TPRG1: variants seen among roughly 807,000 people sequenced by gnomAD.
TPRG1 encodes tumor protein p63 regulated 1.
TPRG1 carries 29 observed loss-of-function variants against 29.3 expected under a neutral mutation model. That is an observed-to-expected ratio of 0.99 (90% CI 0.74 to 1.35). The LOEUF (loss-of-function observed/expected upper bound fraction) is 1.35, where lower values mean the gene tolerates loss of function less well. Ranked by LOEUF, TPRG1 falls within the 40% of genes most tolerant of loss-of-function variation. The probability of loss-of-function intolerance (pLI) is 0.00; values close to 1 mark genes in which losing one functional copy is unlikely to be tolerated. For missense variants in TPRG1, 327 were observed against 335.0 expected (o/e 0.98, Z 0.19); for synonymous variants, 130 against 116.8 (o/e 1.11, Z -0.73).
chr3:189,124,428 T>C (rs189427028), intron 1 of TPRG1, among the ~76,000 whole-genome samples: 415 of 152,236 alleles, frequency 2.7e-3, no homozygotes, highest in African/African-American at 9.1e-3. Flanking sequence ...GTGAAAGACA[T>C]AGATTAACAA....
At chr3:189,146,769 G>A (rs989322562) in intron 3 of TPRG1, among the ~76,000 whole-genome samples, 4 of 152,218 alleles carry the variant, frequency 2.6e-5, no homozygotes, top group Non-Finnish European at 4.4e-5. Context: ...AAAGCAATAT[G>A]CATCTCATTT....
intron 3 of TPRG1, among the ~76,000 whole-genome samples, chr3:189,008,075 AAAC>A (rs1358212172): frequency 1.5e-5 from 1 of 66,376 alleles, no homozygotes; most frequent in East Asian, 4.2e-4. Context: ...AAAAAAAAAA[AAAC>A]GTTCTAGAAA....
chr3:189,244,431 A>G lies in TPRG1; in HGVS notation c.479+5522A>G, dbSNP rs114610855. On this transcript the variant is annotated intron_variant, in intron 4 of 5. Coordinates refer to ENST00000345063, the MANE Select transcript of TPRG1 (RefSeq NM_198485.4). ...TGAGACTCCATCTCAAAAAAAGAAG[A>G]AAAAAAAGAGGTTTAATTGGTTCAG... Among the ~76,000 whole-genome samples, 1,027 of 151,924 alleles carry G rather than the reference A, an allele frequency of 6.8e-3. 7 individuals are homozygous for G. Among genetic ancestry groups the G allele is most frequent in the Non-Finnish European group, 0.012 (809 of 67,914 alleles).
intron 3 of TPRG1, among the ~76,000 whole-genome samples, chr3:189,005,292 T>C (rs1712230548): frequency 6.6e-6 from 1 of 152,226 alleles, no homozygotes; most frequent in East Asian, 1.9e-4. Context: ...CCGAGTAAAG[T>C]GTGATACAAA....
chr3:189,192,048 C>T (rs1475267815), intron 1 of TPRG1, among the ~76,000 whole-genome samples: 1 of 152,180 alleles, frequency 6.6e-6, no homozygotes, highest in Non-Finnish European at 1.5e-5. Flanking sequence ...ACAGGAAGCT[C>T]ACCAAGCTCA....
intron 1 of TPRG1, among the ~76,000 whole-genome samples, chr3:189,177,808 G>C (rs1336352876): frequency 3.3e-5 from 5 of 152,120 alleles, no homozygotes; most frequent in Non-Finnish European, 7.3e-5. Flanking sequence ...TACATTTTCT[G>C]TAGACAATGC....
chr3:189,082,358 A>C (rs1372340069), intron 4 of TPRG1, among the ~76,000 whole-genome samples: 1 of 152,204 alleles, frequency 6.6e-6, no homozygotes, highest in Non-Finnish European at 1.5e-5. Flanking sequence ...GAAAGTGTGG[A>C]GCATGCTGCT....
At chr3:189,065,461 G>T (rs925929353) in intron 4 of TPRG1, among the ~76,000 whole-genome samples, 1 of 151,398 alleles carries the variant, frequency 6.6e-6, no homozygotes, top group East Asian at 1.9e-4. Flanking sequence ...TATTTAAAAA[G>T]AATTATAGAT....
At chr3:189,035,078 T>C (rs1714175249) in intron 4 of TPRG1, among the ~76,000 whole-genome samples, 3 of 151,956 alleles carry the variant, frequency 2.0e-5, no homozygotes, top group African/African-American at 7.2e-5. Context: ...GGTACTAGTA[T>C]AAAAACAGAC....
At chr3:189,102,649 A>G (rs1487624453) in intron 1 of TPRG1, among the ~76,000 whole-genome samples, 1 of 152,210 alleles carries the variant, frequency 6.6e-6, no homozygotes, top group Non-Finnish European at 1.5e-5. Context: ...GCTTTAAGAG[A>G]TAATTAATTT....
At chr3:189,310,316 G>A in intron 4 of TPRG1, 70 bp from the exon 5 acceptor site, 2 of 1,348,466 alleles carry the variant, frequency 1.5e-6, no homozygotes, top group Non-Finnish European at 2.0e-6. Context: ...GCTGACTGAT[G>A]TATTACATTC....
chr3:189,174,779 T>C (rs1449942302), intron 1 of TPRG1, among the ~76,000 whole-genome samples: 7 of 152,214 alleles, frequency 4.6e-5, no homozygotes, highest in Admixed American at 3.3e-4. Context: ...ATGACACTGC[T>C]GCAGCATAAT....
chr3:189,123,158 T>C (rs1722032432), intron 1 of TPRG1, among the ~76,000 whole-genome samples: 1 of 152,202 alleles, frequency 6.6e-6, no homozygotes, highest in South Asian at 2.1e-4. Flanking sequence ...TGAAGAGAAA[T>C]AGCCCCTTTA....
At chr3:189,255,157 G>A (rs1331599337) in intron 4 of TPRG1, among the ~76,000 whole-genome samples, 1 of 152,100 alleles carries the variant, frequency 6.6e-6, no homozygotes, top group Non-Finnish European at 1.5e-5. Flanking sequence ...TTGGCTGTGG[G>A]TTTCTCATAA....
chr3:189,121,417 T>C (rs1721813462), intron 1 of TPRG1: 1 of 152,246 alleles, frequency 6.6e-6, no homozygotes, highest in African/African-American at 2.4e-5. Context: ...ACATATTCTG[T>C]ACCCCTCCTT....
intron 4 of TPRG1, among the ~76,000 whole-genome samples, chr3:189,040,497 T>C (rs1346475234): frequency 6.6e-6 from 1 of 151,892 alleles, no homozygotes; most frequent in Non-Finnish European, 1.5e-5. Context: ...CTTCTCTTGC[T>C]CTCAAAATAC....
intron 1 of TPRG1, among the ~76,000 whole-genome samples, chr3:189,180,761 C>T (rs915739058): frequency 1.3e-5 from 2 of 152,174 alleles, no homozygotes; most frequent in African/African-American, 4.8e-5. Context: ...ATTCTGGGGT[C>T]TGGGGGAGTG....
At chr3:189,013,913 A>G (rs1578191462) in intron 3 of TPRG1, among the ~76,000 whole-genome samples, 1 of 152,176 alleles carries the variant, frequency 6.6e-6, no homozygotes, top group South Asian at 2.1e-4. Context: ...TGTGAAATGG[A>G]TCTCTTGAAG....
intron 2 of TPRG1, among the ~76,000 whole-genome samples, chr3:189,209,324 T>G (rs185604818): frequency 3.3e-5 from 5 of 152,348 alleles, no homozygotes. Flanking sequence ...AAACGACTTA[T>G]GTTTCAATTC....
Sources: gnomAD v4.1 joint callset for allele counts (sites outside exome capture counted in the v4.1 genomes callset) on GRCh38, gnomAD v4.1.1 for gene constraint, MANE v1.5 for transcripts, NCBI Gene and HGNC (gene_info 2026-07-23, HGNC 2026-07-21) for gene names.